FPR3: variants seen among roughly 807,000 people sequenced by gnomAD.
FPR3 encodes formyl peptide receptor 3, also known as N-formyl peptide receptor 3.
For missense variants in FPR3, 346 were observed against 443.2 expected (o/e 0.78, Z 1.97); for synonymous variants, 135 against 163.6 (o/e 0.83, Z 1.34).
At position 51,796,592 on chromosome 19, in the gene FPR3, A is replaced by C. The variant is rs113896199; in HGVS notation, c.-11+1261A>C. Reference sequence around the variant, plus strand: ...AGGGCCATGGACACCGGTCGTGGAGATGGCAATGGCTCTGGCTGTGCATTC... The same window carrying C: ...AGGGCCATGGACACCGGTCGTGGAGCTGGCAATGGCTCTGGCTGTGCATTC... On this transcript the variant is annotated intron_variant, in intron 1 of 1. Coordinates refer to ENST00000339223, the MANE Select transcript of FPR3 (RefSeq NM_002030.5). Among the ~76,000 whole-genome samples, 864 of 152,296 alleles carry C rather than the reference A, an allele frequency of 5.7e-3. 11 individuals carry two copies. The highest frequency in any genetic ancestry group is 0.016 in the African/African-American group (646 of 41,560).
intron 1 of FPR3, among the ~76,000 whole-genome samples, chr19:51,800,706 G>A (rs897554625): frequency 6.6e-6 from 1 of 152,102 alleles, no homozygotes; most frequent in African/African-American, 2.4e-5. Context: ...CAAAATGGTG[G>A]GGGGCTTACA....
intron 1 of FPR3, among the ~76,000 whole-genome samples, chr19:51,801,804 T>C (rs1173318407): frequency 1.3e-5 from 2 of 152,180 alleles, no homozygotes; most frequent in Admixed American, 6.5e-5. Flanking sequence ...CAAATTATAG[T>C]TATACATAGG....
Position 51,824,904 on chromosome 19 carries a change from C to A in FPR3, c.*94C>A. ...TGTTTTTCTTCCTCTTTCATACCAC[C>A]ACCACCACAATCATCAACATAAAGG... On this transcript the variant is annotated 3_prime_UTR_variant, in exon 2 of 2. Coordinates refer to ENST00000339223, the MANE Select transcript of FPR3 (RefSeq NM_002030.5). The surrounding 1 kb of genome is among the most constrained non-coding windows in gnomAD (Gnocchi z 4.7). 1.1e-6 allele frequency: 1 copy of A among 941,092 alleles called. No homozygotes were observed. Among genetic ancestry groups the A allele is most frequent in the Non-Finnish European group, 1.6e-6 (1 of 630,314 alleles). 58.3% of individuals were successfully genotyped at this position (941,092 alleles called of 1,614,324 possible). A position where few individuals can be genotyped will look rare whatever the true frequency, so the allele number is the denominator to read the frequency against.
chr19:51,820,719 A>G (rs534445606), intron 1 of FPR3, among the ~76,000 whole-genome samples: 1 of 152,316 alleles, frequency 6.6e-6, no homozygotes, highest in Non-Finnish European at 1.5e-5. Context: ...AATTCTGTTG[A>G]AATCAGTCTG....
At chr19:51,805,445 A>G (rs2084051931) in intron 1 of FPR3, among the ~76,000 whole-genome samples, 1 of 152,204 alleles carries the variant, frequency 6.6e-6, no homozygotes, top group Non-Finnish European at 1.5e-5. Context: ...GTAATTCACT[A>G]ATATCAAAGG....
rs972339918 is a variant in FPR3, at chr19:51,795,218, C to T, written c.-124C>T. ...TCTGATTCCATCTTTATAACCAAAG[C>T]CAATTAAGATCTTAAAACCAAACAT... On this transcript the variant is annotated 5_prime_UTR_variant, in exon 1 of 2. Transcript: ENST00000339223. 6.6e-6 allele frequency: 1 copy of T among 152,134 alleles called. No homozygotes were observed. Among genetic ancestry groups the T allele is most frequent in the Non-Finnish European group, 1.5e-5 (1 of 68,036 alleles). The allele number at this position is 152,134 out of a possible 1,614,324, so 9.4% of individuals were successfully genotyped here.
intron 1 of FPR3, among the ~76,000 whole-genome samples, chr19:51,808,612 C>G (rs2084076424): frequency 1.3e-5 from 2 of 152,118 alleles, no homozygotes; most frequent in South Asian, 4.1e-4. Context: ...ATAGAAGGCA[C>G]AGAGAATGCA....
At chr19:51,812,846 C>T (rs954875687) in intron 1 of FPR3, among the ~76,000 whole-genome samples, 9 of 152,040 alleles carry the variant, frequency 5.9e-5, no homozygotes, top group Non-Finnish European at 7.4e-5. Flanking sequence ...TTAGGCCAGA[C>T]GTGGGGGCTC....
At chr19:51,821,651 A>T (rs542329399) in intron 1 of FPR3, among the ~76,000 whole-genome samples, 2 of 152,330 alleles carry the variant, frequency 1.3e-5, no homozygotes, top group South Asian at 4.1e-4. Flanking sequence ...GTATGACCAC[A>T]TGCTGGAAAT....
chr19:51,804,307 G>A (rs935949471), intron 1 of FPR3, among the ~76,000 whole-genome samples: 1 of 151,982 alleles, frequency 6.6e-6, no homozygotes, highest in African/African-American at 2.4e-5. Context: ...TCCAGATCTA[G>A]GAAACGTAAT....
chr19:51,797,488 T>TAA (rs983300024), intron 1 of FPR3, among the ~76,000 whole-genome samples: 1 of 152,154 alleles, frequency 6.6e-6, no homozygotes, highest in South Asian at 2.1e-4. Context: ...TTTTTTGGTA[T>TAA]AAAAAATGAT....
intron 1 of FPR3, among the ~76,000 whole-genome samples, chr19:51,818,671 G>A (rs1282262915): frequency 6.6e-6 from 1 of 152,166 alleles, no homozygotes; most frequent in African/African-American, 2.4e-5. Context: ...GTAGGCAGAA[G>A]GAAGAGAGAA....
intron 1 of FPR3, among the ~76,000 whole-genome samples, chr19:51,810,164 T>C (rs2084086780): frequency 6.6e-6 from 1 of 152,190 alleles, no homozygotes; most frequent in Non-Finnish European, 1.5e-5. Flanking sequence ...CCTTTTAGAT[T>C]TGTCAACTGC....
At chr19:51,819,057 A>T (rs1221351813) in intron 1 of FPR3, among the ~76,000 whole-genome samples, 1 of 152,214 alleles carries the variant, frequency 6.6e-6, no homozygotes, top group Admixed American at 6.5e-5. Context: ...CTGTAGATAT[A>T]ATCAATAGGA....
At chr19:51,818,072 G>C (rs751044352) in intron 1 of FPR3, among the ~76,000 whole-genome samples, 2 of 151,272 alleles carry the variant, frequency 1.3e-5, no homozygotes, top group South Asian at 4.2e-4. Flanking sequence ...GGACATGGAC[G>C]AAGCTGGAAA....
intron 1 of FPR3, among the ~76,000 whole-genome samples, chr19:51,809,970 C>T (rs112147465): frequency 0.12 from 18,353 of 152,144 alleles, 1,271 homozygotes; most frequent in Middle Eastern, 0.16. Flanking sequence ...AAATTTTGAG[C>T]GGCACTGATT....
chr19:51,824,984 G>A lies in FPR3; in HGVS notation c.*174G>A. 3.3e-6 allele frequency: 2 copies of A among 602,080 alleles called. No individual in the cohort carries two copies. Among genetic ancestry groups the A allele is most frequent in the South Asian group, 2.2e-5 (1 of 45,440 alleles). 37.3% of individuals were successfully genotyped at this position (602,080 alleles called of 1,614,324 possible). On this transcript the variant is annotated 3_prime_UTR_variant, in exon 2 of 2. Transcript: ENST00000339223. The surrounding 1 kb of genome is among the most constrained non-coding windows in gnomAD (Gnocchi z 4.7). ...TCCCACAACCAAGCAATAGACACCA[G>A]CTGGGTGTCCTACAATTAAATTCCA...
rs866291055 is a variant in FPR3 at position 51,795,982 on chromosome 19, T to C, written c.-11+651T>C. Among the ~76,000 whole-genome samples, 13 of 152,192 alleles carry C rather than the reference T, an allele frequency of 8.5e-5. No individual in the cohort carries two copies. In the East Asian group the frequency reaches 2.1e-3, roughly 25 times the overall value. On this transcript the variant is annotated intron_variant, in intron 1 of 1. Coordinates refer to ENST00000339223, the MANE Select transcript of FPR3 (RefSeq NM_002030.5). ...CATGTAGCATTGTAGAGATGTAGCA[T>C]TGAAGGATCTTGATAGTCCTGTGGA...
intron 1 of FPR3, among the ~76,000 whole-genome samples, chr19:51,814,872 C>T (rs2084123215): frequency 6.6e-6 from 1 of 150,620 alleles, no homozygotes. Context: ...TGCAGTGGCG[C>T]CATCTCAGCT....
Sources: gnomAD v4.1 joint callset for allele counts (sites outside exome capture counted in the v4.1 genomes callset) on GRCh38, gnomAD v4.1.1 for gene constraint, Gnocchi (gnomAD v3.1) non-coding constraint, MANE v1.5 for transcripts, NCBI Gene and HGNC (gene_info 2026-07-23, HGNC 2026-07-21) for gene names.